NGEF: variants seen among roughly 807,000 people sequenced by gnomAD.
NGEF encodes the protein neuronal guanine nucleotide exchange factor.
NGEF carries 31 observed loss-of-function variants against 80.9 expected under a neutral mutation model. The ratio of observed to expected loss-of-function variants is 0.38; its 90% CI spans 0.29 to 0.52. The LOEUF (loss-of-function observed/expected upper bound fraction) is 0.52, where lower values mean the gene tolerates loss of function less well. Among genes scored for constraint, NGEF ranks in the 20% least tolerant of loss-of-function variants. NGEF has a pLI of 0.84. For missense variants in NGEF, 709 were observed against 926.2 expected (o/e 0.77, Z 3.04); for synonymous variants, 371 against 370.2 (o/e 1.00, Z -0.03).
intron 6 of NGEF, among the ~76,000 whole-genome samples, chr2:232,893,373 CT>C (rs1296361960): frequency 6.6e-6 from 1 of 152,236 alleles, no homozygotes; most frequent in Non-Finnish European, 1.5e-5. Context: ...GGGGTAGGGA[CT>C]GGCCCCTGGG....
chr2:232,886,318 C>CTG (rs1160800757), intron 9 of NGEF, among the ~76,000 whole-genome samples: 10 of 149,312 alleles, frequency 6.7e-5, no homozygotes, highest in African/African-American at 2.0e-4. Flanking sequence ...GTGGTATGTG[C>CTG]TGTGTGTGTG....
chr2:232,944,870 G>A (rs1391464634), intron 3 of NGEF, among the ~76,000 whole-genome samples: 1 of 151,218 alleles, frequency 6.6e-6, no homozygotes, highest in Non-Finnish European at 1.5e-5. Context: ...TCCTGCTTCA[G>A]CCTCCCCAGT....
Position 232,909,192 on chromosome 2 carries a change from T to C in NGEF, c.828+11092A>G, listed in dbSNP as rs73995720. Reference sequence around the variant, plus strand: ...TATTATGTATGATTTTGTTATAAATTTGAAATTTTCTTTATAAATCTCAAA... The same window carrying C: ...TATTATGTATGATTTTGTTATAAATCTGAAATTTTCTTTATAAATCTCAAA... On this transcript the variant is annotated intron_variant, in intron 5 of 14. Coordinates refer to ENST00000264051, the MANE Select transcript of NGEF (RefSeq NM_019850.3). Among the ~76,000 whole-genome samples the C allele has an allele frequency of 5.8e-3, 891 of 152,328 alleles. 8 individuals are homozygous for C. Among genetic ancestry groups the C allele is most frequent in the African/African-American group, 0.02 (842 of 41,570 alleles).
intron 5 of NGEF, among the ~76,000 whole-genome samples, chr2:232,905,088 CCCTCTCTCTCCTCTCA>C (rs1692462764): frequency 6.6e-6 from 1 of 151,936 alleles, no homozygotes; most frequent in South Asian, 2.1e-4. Flanking sequence ...CTCCCCTCTC[CCCTCTCTCTCCTCTCA>C]CCTCTCACCT....
intron 5 of NGEF, among the ~76,000 whole-genome samples, chr2:232,903,758 G>C (rs569369433): frequency 6.6e-6 from 1 of 152,216 alleles, no homozygotes; most frequent in East Asian, 1.9e-4. Context: ...ATTGTTGAGG[G>C]TTTAATCTAA....
At chr2:232,888,438 AC>A (rs1237503862) in intron 8 of NGEF, among the ~76,000 whole-genome samples, 1 of 152,176 alleles carries the variant, frequency 6.6e-6, no homozygotes, top group East Asian at 1.9e-4. Context: ...ACATGCTCAC[AC>A]ATGCACAACA....
rs548009683 is a variant in NGEF, at chr2:232,888,126, T to C, written c.1273-19A>G. The C allele has an allele frequency of 6.4e-7, 1 of 1,560,788 alleles. No individual in the cohort carries two copies. Among genetic ancestry groups the C allele is most frequent in the Non-Finnish European group, 8.7e-7 (1 of 1,155,016 alleles). On this transcript the variant is annotated intron_variant, in intron 8 of 14. Transcript: ENST00000264051. The stretch of plus-strand genomic sequence containing the variant: ...GGATGTTCTATGCACAGAGAAAGGC[T>C]GCGTTAACTTTAATCTTTTCTGGTC...
At chr2:233,005,980 C>T (rs900286331) in intron 1 of NGEF, among the ~76,000 whole-genome samples, 6 of 152,242 alleles carry the variant, frequency 3.9e-5, no homozygotes, top group African/African-American at 1.4e-4. Context: ...CCACATCTGG[C>T]TAATTTTTGT....
chr2:232,908,832 T>TG (rs1692633606), intron 5 of NGEF, among the ~76,000 whole-genome samples: 1 of 152,206 alleles, frequency 6.6e-6, no homozygotes, highest in African/African-American at 2.4e-5. Context: ...CAGTTTTCTT[T>TG]GGGGTGCTCA....
intron 10 of NGEF, 136 bp from the exon 11 acceptor site, chr2:232,884,280 G>A: frequency 1.0e-6 from 1 of 992,010 alleles, no homozygotes; most frequent in Non-Finnish European, 1.4e-6. Context: ...TGGGGGGAAA[G>A]GCCGAGTTCT....
At chr2:232,996,712 C>G (rs1488829048) in intron 1 of NGEF, among the ~76,000 whole-genome samples, 2 of 152,160 alleles carry the variant, frequency 1.3e-5, no homozygotes, top group African/African-American at 4.8e-5. Context: ...CCAGGCTGGG[C>G]TCGAACTCCT....
At chr2:232,920,195 A>C in intron 5 of NGEF, 89 bp downstream of exon 5, 2 of 1,272,912 alleles carry the variant, frequency 1.6e-6, no homozygotes, top group Non-Finnish European at 2.2e-6. Context: ...CAGCCAGGGA[A>C]CCTCACCCCC....
chr2:232,886,859 G>A (rs945211176), intron 9 of NGEF, among the ~76,000 whole-genome samples: 3 of 152,378 alleles, frequency 2.0e-5, no homozygotes, highest in Admixed American at 6.5e-5. Flanking sequence ...TGCTTCCAGA[G>A]GTGGGCATGG....
intron 3 of NGEF, among the ~76,000 whole-genome samples, chr2:232,940,256 A>C (rs1693410510): frequency 6.6e-6 from 1 of 152,274 alleles, no homozygotes; most frequent in Admixed American, 6.5e-5. Context: ...CAATAAGTGA[A>C]TATCACCATA....
At chr2:232,953,123 G>A (rs940810026) in intron 3 of NGEF, among the ~76,000 whole-genome samples, 4 of 151,492 alleles carry the variant, frequency 2.6e-5, no homozygotes, top group African/African-American at 9.7e-5. Context: ...CCAAGATGGT[G>A]AAACCCTGTC....
At chr2:232,948,713 G>T (rs1693612602) in intron 3 of NGEF, among the ~76,000 whole-genome samples, 1 of 152,122 alleles carries the variant, frequency 6.6e-6, no homozygotes, top group African/African-American at 2.4e-5. Flanking sequence ...TTGATTGAAA[G>T]AAATGGATTA....
At chr2:232,981,081 G>A (rs1694407061) in intron 1 of NGEF, among the ~76,000 whole-genome samples, 1 of 151,314 alleles carries the variant, frequency 6.6e-6, no homozygotes, top group Non-Finnish European at 1.5e-5. Flanking sequence ...GGAGGGGTAA[G>A]GGTAGGAGAA....
chr2:232,896,668 GTGGGGGTGGGGGTAGGGA>G (rs1369637058), intron 5 of NGEF, among the ~76,000 whole-genome samples: 1 of 21,476 alleles, frequency 4.7e-5, no homozygotes, highest in Non-Finnish European at 8.5e-5. Flanking sequence ...GGGGGTAGGG[GTGGGGGTGGGGGTAGGGA>G]TGGGGGTGGG....
In NGEF at chr2:232,892,328, C is replaced by T. The variant is rs1038175415; in HGVS notation, c.1142+570G>A. Among the ~76,000 whole-genome samples, 14 of 152,214 alleles carry T rather than the reference C, an allele frequency of 9.2e-5. No individual in the cohort carries two copies. The highest frequency in any genetic ancestry group is 2.7e-4 in the African/African-American group (11 of 41,452). ...TGGGTGCTTCTGTGCGGAGCCAAGA[C>T]GGCCTCCCTGGCTAACCCCAGGCAC... On this transcript the variant is annotated intron_variant, in intron 7 of 14. Coordinates refer to ENST00000264051, the MANE Select transcript of NGEF (RefSeq NM_019850.3). The surrounding 1 kb of genome is among the most constrained non-coding windows in gnomAD (Gnocchi z 4.0).
Sources: gnomAD v4.1 joint callset for allele counts (sites outside exome capture counted in the v4.1 genomes callset) on GRCh38, gnomAD v4.1.1 for gene constraint, Gnocchi (gnomAD v3.1) non-coding constraint, MANE v1.5 for transcripts, NCBI Gene and HGNC (gene_info 2026-07-23, HGNC 2026-07-21) for gene names.